Variants in KMT2C observed in about 807,000 individuals in gnomAD.
The protein encoded by KMT2C is histone-lysine N-methyltransferase 2C.
KMT2C carries 88 observed loss-of-function variants against 507.9 expected under a neutral mutation model. The ratio of observed to expected loss-of-function variants is 0.17; its 90% CI spans 0.15 to 0.21. The LOEUF is 0.21. KMT2C is among the 10% of genes least tolerant of loss of function. KMT2C has a pLI of 1.00. For synonymous variants in KMT2C, 2,049 were observed against 2,080.8 expected (o/e 0.98, Z 0.42); for missense variants, 4,954 against 5,957.8 (o/e 0.83, Z 5.55).
At chr7:152,364,998 T>C (rs1001789414) in intron 1 of KMT2C, among the ~76,000 whole-genome samples, 2 of 151,070 alleles carry the variant, frequency 1.3e-5, no homozygotes, top group Non-Finnish European at 2.9e-5. Flanking sequence ...TATAGTCAAA[T>C]TGCTGAAAAA....
chr7:152,297,075 G>A (rs192146931), intron 6 of KMT2C, among the ~76,000 whole-genome samples: 2,616 of 123,970 alleles, frequency 0.021, 176 homozygotes, highest in African/African-American at 0.097. Flanking sequence ...GAGAGAGAGA[G>A]AGAGAGAGAG....
Position 152,183,153 on chromosome 7 carries a change from T to C in KMT2C, c.5086A>G (p.Lys1696Glu). The change falls in exon 35 of 59, where the codon AAA (lysine) becomes GAA (glutamate). Residue 1696 changes from lysine to glutamate, a missense_variant. Physicochemically the swap from Lys to Glu is moderately conservative, Grantham distance 56 (BLOSUM62 1). This residue lies in a region of KMT2C where 58 missense variants were observed against 63.3 expected (regional missense o/e 0.92). Coordinates refer to ENST00000262189, the MANE Select transcript of KMT2C (RefSeq NM_170606.3). ...AAAGCAGCTCTGTTATCTCTGGCTTTTTGCTTTGACAAAAGAAGAGAAAAA... is the reference window on the plus strand; with the variant it reads ...AAAGCAGCTCTGTTATCTCTGGCTTCTTGCTTTGACAAAAGAAGAGAAAAA... ...SSQERAPYVQ[K>E]ARDNRAALRI... 1.3e-6 allele frequency: 2 copies of C among 1,541,800 alleles called. No homozygotes were observed. The highest frequency in any genetic ancestry group is 1.4e-5 in the African/African-American group (1 of 70,848).
rs2129120450 is a variant in KMT2C at position 152,181,855 on chromosome 7, C to G, written c.6005G>C (p.Gly2002Ala). Residue 2002 changes from glycine (G) to alanine (A), a missense_variant, in exon 36 of 59, where the codon GGA becomes GCA. Physicochemically the swap from Gly to Ala is moderately conservative, Grantham distance 60. This residue lies in a region of KMT2C where 1,689 missense variants were observed against 1,654.3 expected (regional missense o/e 1.02). Transcript: ENST00000262189. The part of the protein sequence containing the change: ...EQTAKGPIAA[G>A]TSDHFTKPSP... ...TGGTTTAGTAAAGTGATCACTGGTTCCAGCTGCTATAGGGCCTTTTGCAGT... is the reference window on the plus strand; with the variant it reads ...TGGTTTAGTAAAGTGATCACTGGTTGCAGCTGCTATAGGGCCTTTTGCAGT... 6.2e-7 allele frequency: 1 copy of G among 1,614,100 alleles called. No individual in the cohort carries two copies. The highest frequency in any genetic ancestry group is 8.5e-7 in the Non-Finnish European group (1 of 1,180,030).
chr7:152,174,317 C>A, intron 38 of KMT2C, 75 bp from the exon 39 acceptor site: 1 of 703,298 alleles, frequency 1.4e-6, no homozygotes, highest in South Asian at 2.0e-5. Context: ...TCAAATATTA[C>A]AAGCTCTTAA....
At chr7:152,330,968 G>A (rs1476084299) in intron 2 of KMT2C, among the ~76,000 whole-genome samples, 1 of 152,106 alleles carries the variant, frequency 6.6e-6, no homozygotes, top group East Asian at 1.9e-4. Flanking sequence ...TTTTCCTTGT[G>A]CCCAAATTAT....
At chr7:152,429,474 T>A (rs1419683476) in intron 1 of KMT2C, among the ~76,000 whole-genome samples, 1 of 152,006 alleles carries the variant, frequency 6.6e-6, no homozygotes, top group East Asian at 1.9e-4. Flanking sequence ...ATTCTGCAAA[T>A]AAAGGGATCA....
At chr7:152,358,787 G>T in intron 1 of KMT2C, 112 bp from the exon 2 acceptor site, 2 of 660,994 alleles carry the variant, frequency 3.0e-6, no homozygotes, top group South Asian at 4.2e-5. Flanking sequence ...TAAGTAATTA[G>T]GGCATTTTTC....
At chr7:152,201,297 C>G (rs1227426396) in intron 26 of KMT2C, among the ~76,000 whole-genome samples, 3 of 125,940 alleles carry the variant, frequency 2.4e-5, no homozygotes, top group South Asian at 2.5e-4. Flanking sequence ...GACACAGACA[C>G]ACACACACAC....
intron 34 of KMT2C, 120 bp from the exon 35 acceptor site, chr7:152,183,276 T>C: frequency 2.7e-6 from 2 of 737,718 alleles, no homozygotes; most frequent in South Asian, 4.3e-5. Context: ...ATAGCTGAAA[T>C]ACTTACGGCA....
chr7:152,397,641 T>C (rs2097545135), intron 1 of KMT2C, among the ~76,000 whole-genome samples: 2 of 152,206 alleles, frequency 1.3e-5, no homozygotes, highest in South Asian at 4.1e-4. Context: ...CCAAATCTCA[T>C]CTTGAATTAA....
In KMT2C at chr7:152,207,176, C is replaced by G. The variant is rs539753167; in HGVS notation, c.3841+124G>C. 5.0e-5 allele frequency: 47 copies of G among 934,988 alleles called. No individual in the cohort carries two copies. The African/African-American group carries it at 5.4e-4, about 11-fold the overall frequency. 57.9% of individuals were successfully genotyped at this position (934,988 alleles called of 1,614,324 possible). On this transcript the variant is annotated intron_variant, in intron 24 of 58. Transcript: ENST00000262189. ...AGTTTAGTTCTTTAATTTATGTGCA[C>G]ATATTTTTGTTTAGACAGTTCTGAA...
intron 2 of KMT2C, among the ~76,000 whole-genome samples, chr7:152,341,897 G>T (rs902462161): frequency 6.6e-6 from 1 of 152,132 alleles, no homozygotes; most frequent in Non-Finnish European, 1.5e-5. Context: ...ATAATTTGGG[G>T]TGTCCACTTT....
intron 1 of KMT2C, among the ~76,000 whole-genome samples, chr7:152,400,698 T>A (rs11768139): frequency 0.011 from 1,611 of 152,348 alleles, 15 homozygotes; most frequent in Non-Finnish European, 0.016. Context: ...ATTTCTCACA[T>A]ATTCTTTCTT....
intron 4 of KMT2C, among the ~76,000 whole-genome samples, chr7:152,313,326 G>A (rs183553884): frequency 6.6e-6 from 1 of 151,968 alleles, no homozygotes; most frequent in East Asian, 1.9e-4. Flanking sequence ...AGGGAAAGGG[G>A]TGTAAAAAAA....
chr7:152,408,961 C>T (rs80157214), intron 1 of KMT2C, among the ~76,000 whole-genome samples: 10 of 151,794 alleles, frequency 6.6e-5, no homozygotes, highest in Admixed American at 5.9e-4. Context: ...ACTTAACATG[C>T]ATCTAATTCA....
At chr7:152,243,387 C>G (rs1177388539) in intron 14 of KMT2C, among the ~76,000 whole-genome samples, 1 of 152,200 alleles carries the variant, frequency 6.6e-6, no homozygotes, top group Non-Finnish European at 1.5e-5. Context: ...ACTTTTAAAA[C>G]TGAAAGTACT....
At chr7:152,391,167 AG>A (rs2097492918) in intron 1 of KMT2C, among the ~76,000 whole-genome samples, 2 of 144,674 alleles carry the variant, frequency 1.4e-5, no homozygotes, top group African/African-American at 2.6e-5. Flanking sequence ...AAAAAAAAAA[AG>A]CCTTAAAATC....
In KMT2C at chr7:152,248,651, T is replaced by A. The variant is rs775343570; in HGVS notation, c.1814-31A>T. 3 of 1,426,234 alleles carry A rather than the reference T, an allele frequency of 2.1e-6. No homozygotes were observed. In the East Asian group the frequency reaches 6.9e-5, roughly 33 times the overall value. The allele number at this position is 1,426,234 out of a possible 1,614,324, so 88.3% of individuals were successfully genotyped here. On this transcript the variant is annotated intron_variant, in intron 13 of 58. Transcript: ENST00000262189. ...AAATTCAGAACATTTGTTATGGCAATGTACAAACAAATTTTAAATTTTCTA... is the reference window on the plus strand; with the variant it reads ...AAATTCAGAACATTTGTTATGGCAAAGTACAAACAAATTTTAAATTTTCTA...
Position 152,138,571 on chromosome 7 carries a change from A to C in KMT2C, c.14643+225T>G. The C allele has an allele frequency of 2.3e-6, 1 of 433,052 alleles. No individual in the cohort carries two copies. Among genetic ancestry groups the C allele is most frequent in the Non-Finnish European group, 4.1e-6 (1 of 241,778 alleles). 26.8% of individuals were successfully genotyped at this position (433,052 alleles called of 1,614,324 possible). Reference sequence around the variant, plus strand: ...TGCTGAACCCGTGGCACAGAAGGGAAGGGAGAGGTGACAGCAAATGCTCAC... The same window carrying C: ...TGCTGAACCCGTGGCACAGAAGGGACGGGAGAGGTGACAGCAAATGCTCAC... On this transcript the variant is annotated intron_variant, in intron 58 of 58. Coordinates refer to ENST00000262189, the MANE Select transcript of KMT2C (RefSeq NM_170606.3). This position sits in a 1 kb window ranked among gnomAD's most constrained non-coding sequence, Gnocchi z 4.2.
Sources: gnomAD v4.1 joint callset for allele counts (sites outside exome capture counted in the v4.1 genomes callset) on GRCh38, gnomAD v4.1.1 for gene constraint, gnomAD v4.1.1 regional missense constraint, Gnocchi (gnomAD v3.1) non-coding constraint, MANE v1.5 for transcripts, NCBI Gene and HGNC (gene_info 2026-07-23, HGNC 2026-07-21) for gene names.